The following SNTG1 variants were observed in gnomAD, a reference collection of about 807,000 sequenced individuals.
SNTG1 encodes gamma-1-syntrophin.
Under a neutral mutation model 74.7 loss-of-function variants are expected in SNTG1, and 39 were observed. The observed-to-expected ratio is 0.52, with a 90% CI of 0.40 to 0.68. SNTG1 has a LOEUF of 0.68. SNTG1 is among the 30% of genes least tolerant of loss of function. SNTG1 has a pLI of 0.00. For missense variants in SNTG1, 685 were observed against 609.5 expected (o/e 1.12, Z -1.30); for synonymous variants, 254 against 217.1 (o/e 1.17, Z -1.49).
At chr8:50,043,841 G>C (rs553000996) in intron 1 of SNTG1, among the ~76,000 whole-genome samples, 1 of 152,326 alleles carries the variant, frequency 6.6e-6, no homozygotes, top group South Asian at 2.1e-4. Flanking sequence ...AATGTAGGCT[G>C]AGGTGGGAAA....
chr8:50,490,497 G>T (rs1360537416), intron 8 of SNTG1, among the ~76,000 whole-genome samples: 1 of 152,172 alleles, frequency 6.6e-6, no homozygotes, highest in South Asian at 2.1e-4. Context: ...CTTGTAAGTT[G>T]TATTCCTAGG....
chr8:49,910,498 C>T (rs974551140), upstream of SNTG1, among the ~76,000 whole-genome samples: 1 of 152,168 alleles, frequency 6.6e-6, no homozygotes, highest in Non-Finnish European at 1.5e-5. Flanking sequence ...TGGTTTTGAC[C>T]AGTTTTCCAA....
chr8:50,472,964 C>G (rs2093665141), intron 8 of SNTG1, among the ~76,000 whole-genome samples: 1 of 152,048 alleles, frequency 6.6e-6, no homozygotes, highest in Non-Finnish European at 1.5e-5. Flanking sequence ...AAATTCAAAT[C>G]AAAACCACAA....
intron 18 of SNTG1, among the ~76,000 whole-genome samples, chr8:50,782,604 G>A (rs189043139): frequency 1.8e-3 from 276 of 152,080 alleles, no homozygotes; most frequent in African/African-American, 5.8e-3. Flanking sequence ...TTATACATTC[G>A]TCTAAATTTT....
At chr8:50,232,502 G>C (rs1386351682) in intron 2 of SNTG1, among the ~76,000 whole-genome samples, 1 of 151,430 alleles carries the variant, frequency 6.6e-6, no homozygotes, top group Non-Finnish European at 1.5e-5. Flanking sequence ...TGGTGAAAGA[G>C]TGAATCTTTA....
intron 1 of SNTG1, among the ~76,000 whole-genome samples, chr8:50,127,036 G>A (rs186276284): frequency 6.6e-6 from 1 of 152,192 alleles, no homozygotes; most frequent in Non-Finnish European, 1.5e-5. Flanking sequence ...AAAATATAAA[G>A]TCTCCTGGTA....
intron 5 of SNTG1, 30 bp downstream of exon 5, chr8:50,438,629 A>C (rs1419476953): frequency 6.3e-7 from 1 of 1,578,928 alleles, no homozygotes; most frequent in African/African-American, 1.3e-5. Flanking sequence ...TATCCTTACA[A>C]AGGCCATGCC....
chr8:50,238,590 A>G (rs114836390), intron 2 of SNTG1, among the ~76,000 whole-genome samples: 2,310 of 152,256 alleles, frequency 0.015, 44 homozygotes, highest in African/African-American at 0.043. Flanking sequence ...TGGCAAAGAT[A>G]TCATGACAAA....
chr8:50,124,466 CTG>C (rs1054981845), intron 1 of SNTG1, among the ~76,000 whole-genome samples: 1 of 142,004 alleles, frequency 7.0e-6, no homozygotes, highest in Non-Finnish European at 1.6e-5. Context: ...TTTTAATAGA[CTG>C]TGTAAAATAG....
At chr8:50,275,716 C>G (rs2088059178) in intron 2 of SNTG1, among the ~76,000 whole-genome samples, 1 of 152,136 alleles carries the variant, frequency 6.6e-6, no homozygotes, top group South Asian at 2.1e-4. Flanking sequence ...CACATTCAGC[C>G]CCCAGCAATT....
chr8:50,624,771 T>A (rs1182093916), intron 13 of SNTG1, among the ~76,000 whole-genome samples: 1 of 152,124 alleles, frequency 6.6e-6, no homozygotes, highest in Non-Finnish European at 1.5e-5. Context: ...GTAGGTTAGT[T>A]TTTTCTATTT....
At position 50,197,692 on chromosome 8, in the gene SNTG1, T is replaced by A. The variant is rs534087839; in HGVS notation, c.-28+25057T>A. On this transcript the variant is annotated intron_variant, in intron 2 of 18. Transcript: ENST00000642720. ...CTACATATCACTAAAAATAAGGATA[T>A]TCTACTTTATCATTTTACCTTCCAC... 1.1e-4 allele frequency among the ~76,000 whole-genome samples: 17 copies of A among 152,274 alleles called. 1 individual carries two copies. The highest frequency in any genetic ancestry group is 1.0e-3 in the Admixed American group (16 of 15,286).
chr8:50,316,485 ATTCT>A (rs1248343469), intron 2 of SNTG1, among the ~76,000 whole-genome samples: 1 of 152,192 alleles, frequency 6.6e-6, no homozygotes, highest in African/African-American at 2.4e-5. Context: ...TTATTGAAAC[ATTCT>A]TTATGTGGCT....
chr8:50,204,735 A>G (rs1418525070), intron 2 of SNTG1, among the ~76,000 whole-genome samples: 4 of 151,914 alleles, frequency 2.6e-5, no homozygotes, highest in Non-Finnish European at 5.9e-5. Flanking sequence ...CAACCCCATG[A>G]CAGGCCCCGG....
At chr8:50,396,586 G>T (rs2092731624) in intron 3 of SNTG1, among the ~76,000 whole-genome samples, 1 of 152,128 alleles carries the variant, frequency 6.6e-6, no homozygotes, top group Admixed American at 6.5e-5. Context: ...ATCGTATTTG[G>T]CACTTGAAAC....
At chr8:50,744,161 T>C (rs2095550033) in intron 17 of SNTG1, among the ~76,000 whole-genome samples, 1 of 151,966 alleles carries the variant, frequency 6.6e-6, no homozygotes, top group Non-Finnish European at 1.5e-5. Flanking sequence ...CAACATGAGA[T>C]TTAAGCGGGG....
chr8:50,200,748 C>T (rs2083955867), intron 2 of SNTG1, among the ~76,000 whole-genome samples: 1 of 152,060 alleles, frequency 6.6e-6, no homozygotes, highest in Non-Finnish European at 1.5e-5. Context: ...ACCAAATAGG[C>T]CTCTGTGAAG....
At chr8:50,765,229 T>TG (rs2131757670) in intron 18 of SNTG1, among the ~76,000 whole-genome samples, 1 of 152,152 alleles carries the variant, frequency 6.6e-6, no homozygotes, top group East Asian at 1.9e-4. Flanking sequence ...TGAGTGGGTA[T>TG]GGGGCCATGG....
chr8:50,736,099 C>T (rs2095528003), intron 17 of SNTG1, among the ~76,000 whole-genome samples: 1 of 152,116 alleles, frequency 6.6e-6, no homozygotes, highest in Middle Eastern at 3.4e-3. Flanking sequence ...CCAGGCCTGC[C>T]TTACCAGAGC....
Sources: gnomAD v4.1 joint callset for allele counts (sites outside exome capture counted in the v4.1 genomes callset) on GRCh38, gnomAD v4.1.1 for gene constraint, MANE v1.5 for transcripts, NCBI Gene and HGNC (gene_info 2026-07-23, HGNC 2026-07-21) for gene names.